The following KCNIP3 variants were observed in gnomAD, a reference collection of about 807,000 sequenced individuals.
KCNIP3 encodes the protein potassium voltage-gated channel interacting protein 3, also known as calsenilin.
A neutral mutation model predicts 35.0 loss-of-function variants in KCNIP3; 28 were observed. That is an observed-to-expected ratio of 0.80 (90% CI 0.59 to 1.10). KCNIP3 has a LOEUF of 1.10. Ranked by LOEUF, KCNIP3 falls within the 50% of genes least tolerant of loss-of-function variation. The pLI is 0.00. For missense variants in KCNIP3, 295 were observed against 338.4 expected (o/e 0.87, Z 1.01); for synonymous variants, 134 against 133.8 (o/e 1.00, Z -0.01).
intron 2 of KCNIP3, among the ~76,000 whole-genome samples, chr2:95,351,084 C>CAG (rs1463760976): frequency 1.3e-5 from 2 of 152,254 alleles, no homozygotes; most frequent in Non-Finnish European, 2.9e-5. Flanking sequence ...GCCCCTGCCC[C>CAG]AAACCTGCGG....
intron 2 of KCNIP3, among the ~76,000 whole-genome samples, chr2:95,325,923 ACT>A (rs760626341): frequency 1.3e-5 from 2 of 151,446 alleles, no homozygotes; most frequent in Non-Finnish European, 2.9e-5. Flanking sequence ...ACACATACAC[ACT>A]CATACACATA....
At chr2:95,363,506 T>C (rs1679850366) in intron 2 of KCNIP3, among the ~76,000 whole-genome samples, 1 of 152,192 alleles carries the variant, frequency 6.6e-6, no homozygotes, top group Non-Finnish European at 1.5e-5. Flanking sequence ...CTATACAACA[T>C]GTACTAGTGT....
intron 2 of KCNIP3, among the ~76,000 whole-genome samples, chr2:95,325,220 G>A (rs1678706465): frequency 6.6e-6 from 1 of 152,210 alleles, no homozygotes; most frequent in Non-Finnish European, 1.5e-5. Context: ...GCTTGGGCTT[G>A]GGCCTGGGCC....
At chr2:95,375,256 G>T (rs374409377) in intron 5 of KCNIP3, 48 bp downstream of exon 5, 19 of 1,548,272 alleles carry the variant, frequency 1.2e-5, no homozygotes, top group Non-Finnish European at 1.5e-5. Context: ...TGTGGTTGCA[G>T]GAGTGAATCC....
intron 2 of KCNIP3, among the ~76,000 whole-genome samples, chr2:95,335,988 T>C (rs1414549687): frequency 6.6e-6 from 1 of 152,252 alleles, no homozygotes; most frequent in Admixed American, 6.5e-5. Flanking sequence ...TGTTCCTCTG[T>C]TCCTCCGTTA....
In KCNIP3 at chr2:95,308,668, G is replaced by T. The variant is rs139705639; in HGVS notation, c.16-1687G>T. Reference sequence around the variant, plus strand: ...GCTGGGCTCTGTGTGGACGGGCATGGCCAGGGCTGGTGTCCGGCGCTGCTC... The same window carrying T: ...GCTGGGCTCTGTGTGGACGGGCATGTCCAGGGCTGGTGTCCGGCGCTGCTC... On this transcript the variant is annotated intron_variant, in intron 1 of 8. Coordinates refer to ENST00000295225, the MANE Select transcript of KCNIP3 (RefSeq NM_013434.5). 4.5e-3 allele frequency among the ~76,000 whole-genome samples: 692 copies of T among 152,290 alleles called. 7 individuals carry two copies. Among genetic ancestry groups the T allele is most frequent in the African/African-American group, 0.016 (677 of 41,560 alleles).
chr2:95,347,189 G>A (rs1679397098), intron 2 of KCNIP3: 2 of 1,359,152 alleles, frequency 1.5e-6, no homozygotes, highest in African/African-American at 1.4e-5. Context: ...GGAGGGACCA[G>A]TACCCGCACG....
Position 95,384,003 on chromosome 2 carries a change from A to G in KCNIP3, c.725A>G (p.Asp242Gly). ...GCCTCCCTTCCTCTCTCCATGCAGG[A>G]TGAGAACATCATGAGCTCCATGCAG... ...IEEFLEACQK[D>G]ENIMSSMQLF... Residue 242 changes from aspartate to glycine, a missense_variant and splice_region_variant, in exon 9 of 9, where the codon GAT becomes GGT. Coordinates refer to ENST00000295225, the MANE Select transcript of KCNIP3 (RefSeq NM_013434.5). 6.2e-7 allele frequency: 1 copy of G among 1,613,922 alleles called. No homozygotes were observed. The highest frequency in any genetic ancestry group is 8.5e-7 in the Non-Finnish European group (1 of 1,179,916).
Position 95,358,889 on chromosome 2 carries a change from G to A in KCNIP3, c.182-15407G>A, listed in dbSNP as rs529278120. ...GCTGTGCACCTGTAGTCCTAGCTAC[G>A]TGGAAGGCTGAGGTAGGAGGATCAC... is the stretch of plus-strand genomic sequence containing the variant. On this transcript the variant is annotated intron_variant, in intron 2 of 8. Coordinates refer to ENST00000295225, the MANE Select transcript of KCNIP3 (RefSeq NM_013434.5). Among the ~76,000 whole-genome samples, 46 of 152,282 alleles carry A rather than the reference G, an allele frequency of 3.0e-4. No homozygotes were observed. The East Asian group carries it at 7.7e-3, about 26-fold the overall frequency.
In KCNIP3 at chr2:95,375,685, A is replaced by G. The variant is rs542443626; in HGVS notation, c.447+477A>G. 8.1e-4 allele frequency among the ~76,000 whole-genome samples: 124 copies of G among 152,278 alleles called. No homozygotes were observed. The South Asian group carries it at 0.012, about 15-fold the overall frequency. On this transcript the variant is annotated intron_variant, in intron 5 of 8. Transcript: ENST00000295225. ...CTCATCCCAGCTGGGCACTGAGAGCAAAGCCTGGTGTTACCCACTGGCGGA... is the reference window on the plus strand; with the variant it reads ...CTCATCCCAGCTGGGCACTGAGAGCGAAGCCTGGTGTTACCCACTGGCGGA...
intron 2 of KCNIP3, among the ~76,000 whole-genome samples, chr2:95,337,062 G>A (rs1187176455): frequency 2.0e-5 from 3 of 152,120 alleles, no homozygotes; most frequent in African/African-American, 7.2e-5. Context: ...TTTTCTCTGT[G>A]GCTCCCTCCT....
chr2:95,304,544 G>A (rs900075251), intron 1 of KCNIP3, among the ~76,000 whole-genome samples: 2 of 152,290 alleles, frequency 1.3e-5, no homozygotes, highest in East Asian at 1.9e-4. Flanking sequence ...CCCCCAGGAC[G>A]CAGCTGACTC....
chr2:95,373,610 G>A (rs1487552341), intron 2 of KCNIP3, among the ~76,000 whole-genome samples: 2 of 152,050 alleles, frequency 1.3e-5, no homozygotes. Context: ...TTTTATTAGA[G>A]ACGGGGTTTC....
intron 8 of KCNIP3, 141 bp downstream of exon 8, chr2:95,383,435 C>T: frequency 1.2e-6 from 1 of 825,934 alleles, no homozygotes. Flanking sequence ...CCCCTTGCCA[C>T]CTCCTGGACA....
chr2:95,307,524 C>G (rs1232394928), intron 1 of KCNIP3, among the ~76,000 whole-genome samples: 4 of 152,230 alleles, frequency 2.6e-5, no homozygotes, highest in African/African-American at 9.6e-5. Context: ...GTTGTCGTGA[C>G]GAGATTACTT....
intron 2 of KCNIP3, among the ~76,000 whole-genome samples, chr2:95,327,912 C>T (rs2104240439): frequency 6.6e-6 from 1 of 152,352 alleles, no homozygotes; most frequent in African/African-American, 2.4e-5. Flanking sequence ...ACCCCAAACA[C>T]TCACCCCAAA....
chr2:95,353,737 G>A (rs1046243906), intron 2 of KCNIP3, among the ~76,000 whole-genome samples: 7 of 152,188 alleles, frequency 4.6e-5, no homozygotes, highest in Admixed American at 2.6e-4. Context: ...GATGCAGCCC[G>A]ACCCAGAGCT....
intron 2 of KCNIP3, among the ~76,000 whole-genome samples, chr2:95,332,978 T>C (rs1454230114): frequency 2.6e-5 from 4 of 152,216 alleles, no homozygotes; most frequent in Non-Finnish European, 4.4e-5. Flanking sequence ...CTTAATAAAA[T>C]GTAAAGTTAT....
At chr2:95,297,493 TCGGGGGGA>T in intron 1 of KCNIP3, 40 bp downstream of exon 1, 2 of 155,490 alleles carry the variant, frequency 1.3e-5, no homozygotes, top group Non-Finnish European at 2.3e-5. Flanking sequence ...TGGAGGGGGG[TCGGGGGGA>T]GGAATGGAGG....
Sources: gnomAD v4.1 joint callset for allele counts (sites outside exome capture counted in the v4.1 genomes callset) on GRCh38, gnomAD v4.1.1 for gene constraint, MANE v1.5 for transcripts, NCBI Gene and HGNC (gene_info 2026-07-23, HGNC 2026-07-21) for gene names.